NXPE2: variants seen among roughly 807,000 people sequenced by gnomAD.
The protein encoded by NXPE2 is neurexophilin and PC-esterase domain family member 2.
Under a neutral mutation model 34.4 loss-of-function variants are expected in NXPE2, and 34 were observed. That is an observed-to-expected ratio of 0.99 (90% CI 0.75 to 1.31). The LOEUF (loss-of-function observed/expected upper bound fraction) is 1.31. Among genes scored for constraint, NXPE2 ranks in the 40% most tolerant of loss-of-function variants. The pLI is 0.00. For missense variants in NXPE2, 649 were observed against 672.5 expected, an observed-to-expected ratio of 0.97 and a Z score of 0.39; for synonymous variants, 235 against 231.3, an observed-to-expected ratio of 1.02 and a Z score of -0.15.
chr11:114,588,533 G>A, the NXPE2 span, among the ~76,000 whole-genome samples: 2 of 152,054 alleles, frequency 1.3e-5, no homozygotes, highest in Non-Finnish European at 2.9e-5. Context: ...TCCTATAGTA[G>A]GCCAAAAGGG....
chr11:114,740,396 TATG>T, the NXPE2 span, among the ~76,000 whole-genome samples: 16,273 of 152,098 alleles, frequency 0.11, 974 homozygotes, highest in Middle Eastern at 0.16. Context: ...TGAATAATAA[TATG>T]ATGAACAGGC....
chr11:114,645,444 G>A, the NXPE2 span, among the ~76,000 whole-genome samples: 1 of 152,128 alleles, frequency 6.6e-6, no homozygotes, highest in African/African-American at 2.4e-5. Flanking sequence ...GGAAAATGAT[G>A]TATTTTCTGG....
At chr11:114,700,684 A>G (rs983936205) in intron 3 of NXPE2, among the ~76,000 whole-genome samples, 4 of 152,216 alleles carry the variant, frequency 2.6e-5, no homozygotes, top group African/African-American at 4.8e-5. Flanking sequence ...AAAAAAAATA[A>G]GTAAAATAAT....
the NXPE2 span, among the ~76,000 whole-genome samples, chr11:114,617,551 G>A: frequency 6.6e-6 from 1 of 152,066 alleles, no homozygotes; most frequent in Non-Finnish European, 1.5e-5. Flanking sequence ...CTGTTACCCA[G>A]TGGAAAATAA....
intron 2 of NXPE2, among the ~76,000 whole-genome samples, chr11:114,682,711 C>G (rs529349333): frequency 6.5e-4 from 99 of 152,160 alleles, no homozygotes; most frequent in African/African-American, 2.3e-3. Flanking sequence ...AACTTAAAAT[C>G]TGTTAGTCCA....
At chr11:114,485,657 T>C in the NXPE2 span, among the ~76,000 whole-genome samples, 1 of 152,136 alleles carries the variant, frequency 6.6e-6, no homozygotes, top group South Asian at 2.1e-4. Context: ...CCAAACACAC[T>C]ACCCTTCCCA....
the NXPE2 span, among the ~76,000 whole-genome samples, chr11:114,740,122 TA>T: frequency 6.6e-6 from 1 of 152,100 alleles, no homozygotes; most frequent in Non-Finnish European, 1.5e-5. Context: ...TCGAGAGCAA[TA>T]ACTAAGAATA....
chr11:114,621,391 G>A, the NXPE2 span, among the ~76,000 whole-genome samples: 2 of 151,614 alleles, frequency 1.3e-5, no homozygotes, highest in African/African-American at 4.8e-5. Flanking sequence ...CTGTTATCTC[G>A]TGGGTAACCA....
chr11:114,758,393 A>G, the NXPE2 span, among the ~76,000 whole-genome samples: 2 of 152,192 alleles, frequency 1.3e-5, no homozygotes, highest in African/African-American at 2.4e-5. Context: ...CTCCTTTAAC[A>G]TTGGGACTGG....
chr11:114,662,990 G>A, the NXPE2 span, among the ~76,000 whole-genome samples: 2 of 152,156 alleles, frequency 1.3e-5, no homozygotes, highest in Non-Finnish European at 2.9e-5. Context: ...GCAACAAGCA[G>A]CCTCTTGAGG....
At chr11:114,764,926 T>C in the NXPE2 span, among the ~76,000 whole-genome samples, 1 of 152,170 alleles carries the variant, frequency 6.6e-6, no homozygotes, top group Non-Finnish European at 1.5e-5. Flanking sequence ...CTTTTTTCCA[T>C]TATTTTCAAA....
chr11:114,614,349 T>G, the NXPE2 span, among the ~76,000 whole-genome samples: 1 of 151,642 alleles, frequency 6.6e-6, no homozygotes, highest in Non-Finnish European at 1.5e-5. Flanking sequence ...TAATAAGTGT[T>G]GCCTCTAGGG....
intron 2 of NXPE2, among the ~76,000 whole-genome samples, chr11:114,686,752 C>A (rs1017738145): frequency 7.2e-5 from 11 of 152,192 alleles, no homozygotes; most frequent in African/African-American, 2.7e-4. Context: ...GTAAGCAATT[C>A]TTTTTCTCTG....
At chr11:114,715,549 A>G in the NXPE2 span, among the ~76,000 whole-genome samples, 3 of 152,228 alleles carry the variant, frequency 2.0e-5, no homozygotes, top group African/African-American at 4.8e-5. Context: ...AGAAAAACCC[A>G]TAGTAATGTA....
At chr11:114,636,214 T>G in the NXPE2 span, among the ~76,000 whole-genome samples, 4 of 152,086 alleles carry the variant, frequency 2.6e-5, no homozygotes, top group East Asian at 1.9e-4. Context: ...GTCGAGGAAT[T>G]TATCCATTTT....
chr11:114,648,089 T>C, the NXPE2 span, among the ~76,000 whole-genome samples: 1 of 152,180 alleles, frequency 6.6e-6, no homozygotes, highest in Non-Finnish European at 1.5e-5. Flanking sequence ...CCCTGGTTCC[T>C]GAGACAGAGC....
chr11:114,506,269 A>G, the NXPE2 span, among the ~76,000 whole-genome samples: 3 of 152,218 alleles, frequency 2.0e-5, no homozygotes, highest in African/African-American at 7.2e-5. Context: ...TTAGACTCTC[A>G]TGCAATAACT....
the NXPE2 span, among the ~76,000 whole-genome samples, chr11:114,475,389 G>T: frequency 5.3e-5 from 8 of 151,984 alleles, no homozygotes; most frequent in African/African-American, 1.9e-4. Context: ...GATCACAGGT[G>T]TGTGTCACCA....
chr11:114,707,626 A>G (rs1565393688), downstream of NXPE2: 1 of 171,430 alleles, frequency 5.8e-6, no homozygotes. Flanking sequence ...AACCCTCATC[A>G]TGATCCATCT....
Sources: gnomAD v4.1 joint callset for allele counts (sites outside exome capture counted in the v4.1 genomes callset) on GRCh38, gnomAD v4.1.1 for gene constraint, MANE v1.5 for transcripts, NCBI Gene and HGNC (gene_info 2026-07-23, HGNC 2026-07-21) for gene names.